The following FNDC3A variants were observed in gnomAD, a reference collection of about 807,000 sequenced individuals.
FNDC3A encodes fibronectin type III domain containing 3A, also known as fibronectin type-III domain-containing protein 3A.
Under a neutral mutation model 148.9 loss-of-function variants are expected in FNDC3A, and 32 were observed. The ratio of observed to expected loss-of-function variants is 0.21; its 90% CI spans 0.16 to 0.29. FNDC3A has a LOEUF of 0.29. Among genes scored for constraint, FNDC3A ranks in the 10% least tolerant of loss-of-function variants. The pLI is 1.00. For synonymous variants in FNDC3A, 472 were observed against 473.6 expected, an observed-to-expected ratio of 1.00 and a Z score of 0.04; for missense variants, 1,191 against 1,452.8, an observed-to-expected ratio of 0.82 and a Z score of 2.93.
At chr13:49,079,718 T>C in intron 3 of FNDC3A, among the ~76,000 whole-genome samples, 1 of 152,158 alleles carries the variant, frequency 6.6e-6, no homozygotes, top group East Asian at 1.9e-4. Flanking sequence ...AATACACTCC[T>C]GAGCTTCTCT....
chr13:48,982,418 G>A (rs1448478197), intron 1 of FNDC3A, among the ~76,000 whole-genome samples: 2 of 151,960 alleles, frequency 1.3e-5, no homozygotes, highest in Non-Finnish European at 2.9e-5. Flanking sequence ...GTAACTATTA[G>A]GATCAGCTTT....
intron 1 of FNDC3A, among the ~76,000 whole-genome samples, chr13:48,988,679 TAA>T (rs1951849860): frequency 1.3e-5 from 2 of 151,850 alleles, no homozygotes; most frequent in Non-Finnish European, 1.5e-5. Context: ...TTGTTTTTAC[TAA>T]ATAATAAGTA....
intron 4 of FNDC3A, 126 bp downstream of exon 4, chr13:49,114,857 CAT>C (rs1880830383): frequency 1.4e-6 from 1 of 722,504 alleles, no homozygotes; most frequent in Non-Finnish European, 2.4e-6. Context: ...GTGTATCTAT[CAT>C]AAATCTATTT....
intron 1 of FNDC3A, 146 bp from the exon 2 acceptor site, chr13:49,006,006 G>T: frequency 2.5e-6 from 1 of 397,652 alleles, no homozygotes; most frequent in Non-Finnish European, 4.5e-6. Flanking sequence ...TTATTGATTG[G>T]AAAAAAAAGC....
At chr13:49,089,537 A>G (rs2137813221) in intron 3 of FNDC3A, among the ~76,000 whole-genome samples, 1 of 152,348 alleles carries the variant, frequency 6.6e-6, no homozygotes, top group Middle Eastern at 3.4e-3. Flanking sequence ...GAAGTCAGCA[A>G]GTGAAAGAGT....
chr13:49,151,886 T>C (rs146509350), intron 8 of FNDC3A, among the ~76,000 whole-genome samples: 161 of 152,388 alleles, frequency 1.1e-3, no homozygotes, highest in East Asian at 7.5e-3. Context: ...GCCTCATCCA[T>C]GTGCCTACAA....
intron 10 of FNDC3A, among the ~76,000 whole-genome samples, chr13:49,171,587 G>A (rs546926319): frequency 1.3e-5 from 2 of 152,278 alleles, no homozygotes; most frequent in East Asian, 1.9e-4. Context: ...AGCACAGTGA[G>A]TATAGAAACA....
intron 3 of FNDC3A, among the ~76,000 whole-genome samples, chr13:49,102,628 T>C (rs1810533994): frequency 6.6e-6 from 1 of 152,192 alleles, no homozygotes; most frequent in Admixed American, 6.5e-5. Flanking sequence ...CTTTTGGTTA[T>C]AGTGAGGACA....
intron 19 of FNDC3A, 99 bp downstream of exon 19, chr13:49,191,483 C>T (rs1201489497): frequency 1.1e-6 from 1 of 928,590 alleles, no homozygotes; most frequent in Non-Finnish European, 1.6e-6. Context: ...TTGGCTTTAA[C>T]ATATGACTCC....
chr13:48,997,034 G>C (rs1952036832), intron 1 of FNDC3A, among the ~76,000 whole-genome samples: 1 of 151,038 alleles, frequency 6.6e-6, no homozygotes, highest in Non-Finnish European at 1.5e-5. Flanking sequence ...TTGCACTCCA[G>C]CTTGGGTAAC....
intron 2 of FNDC3A, among the ~76,000 whole-genome samples, chr13:49,038,612 A>C (rs1187172221): frequency 1.3e-5 from 2 of 152,230 alleles, no homozygotes; most frequent in East Asian, 3.8e-4. Context: ...CTAGCAAATT[A>C]ATATGGTAGC....
intron 12 of FNDC3A, 118 bp from the exon 13 acceptor site, chr13:49,175,248 TG>T: frequency 1.7e-6 from 1 of 576,898 alleles, no homozygotes; most frequent in Non-Finnish European, 2.9e-6. Context: ...ATATATTATT[TG>T]TATTATAATT....
At chr13:49,206,963 TAAAATC>T (rs1231922878) in intron 25 of FNDC3A, 112 bp from the exon 26 acceptor site, 4 of 681,724 alleles carry the variant, frequency 5.9e-6, no homozygotes, top group Non-Finnish European at 7.5e-6. Context: ...ATTTAAAAGA[TAAAATC>T]AATGGCATTC....
chr13:49,207,551 G>A lies in FNDC3A; in HGVS notation c.*156G>A. The A allele has an allele frequency of 2.0e-6, 1 of 507,026 alleles. No homozygotes were observed. The highest frequency in any genetic ancestry group is 3.5e-6 in the Non-Finnish European group (1 of 287,018). The allele number at this position is 507,026 out of a possible 1,614,324, so 31.4% of individuals were successfully genotyped here. ...TTTTCAGTGCTTATATTGTTAGGTA[G>A]AGGCTGGCACTTTATTAGAATGCAA... On this transcript the variant is annotated 3_prime_UTR_variant, in exon 26 of 26. Transcript: ENST00000492622.
chr13:49,016,536 T>C (rs1450344110), intron 2 of FNDC3A, among the ~76,000 whole-genome samples: 2 of 152,228 alleles, frequency 1.3e-5, no homozygotes, highest in Non-Finnish European at 2.9e-5. Context: ...ATCTTGTTGA[T>C]CCTTTCAAAA....
intron 1 of FNDC3A, among the ~76,000 whole-genome samples, chr13:49,000,275 C>T (rs2137585432): frequency 6.6e-6 from 1 of 152,146 alleles, no homozygotes; most frequent in East Asian, 1.9e-4. Flanking sequence ...GTAAGATAAT[C>T]CAAATTCATT....
intron 2 of FNDC3A, among the ~76,000 whole-genome samples, chr13:49,064,996 A>T (rs1877167014): frequency 6.6e-6 from 1 of 152,200 alleles, no homozygotes; most frequent in Non-Finnish European, 1.5e-5. Context: ...AATCCATCAT[A>T]CTTTTCAATT....
intron 2 of FNDC3A, among the ~76,000 whole-genome samples, chr13:49,040,950 TTCTTTCAC>T (rs1874878372): frequency 6.6e-6 from 1 of 152,230 alleles, no homozygotes; most frequent in South Asian, 2.1e-4. Context: ...TTTGTAGTTC[TTCTTTCAC>T]TCTTCCCTCC....
At position 49,125,834 on chromosome 13, in the gene FNDC3A, A is replaced by G. The variant is rs143026615; in HGVS notation, c.253-5303A>G. On this transcript the variant is annotated intron_variant, in intron 4 of 25. Transcript: ENST00000492622. ...TTTCCTTTCTCTGCAGCCCTTCTCA[A>G]TTGTGTCTCTGTTCAATAAAGGAAG... is the stretch of plus-strand genomic sequence containing the variant. 2.9e-3 allele frequency among the ~76,000 whole-genome samples: 447 copies of G among 152,120 alleles called. 4 individuals carry two copies. The highest frequency in any genetic ancestry group is 7.4e-3 in the African/African-American group (307 of 41,466).
Sources: gnomAD v4.1 joint callset for allele counts (sites outside exome capture counted in the v4.1 genomes callset) on GRCh38, gnomAD v4.1.1 for gene constraint, MANE v1.5 for transcripts, NCBI Gene and HGNC (gene_info 2026-07-23, HGNC 2026-07-21) for gene names.